Variants in MTMR3 observed in about 807,000 individuals in gnomAD.
MTMR3 encodes the protein myotubularin related protein 3.
MTMR3 carries 32 observed loss-of-function variants against 132.4 expected under a neutral mutation model. That is an observed-to-expected ratio of 0.24 (90% CI 0.18 to 0.32). The LOEUF is 0.32. Ranked by LOEUF, MTMR3 falls within the 10% of genes least tolerant of loss-of-function variation. The pLI is 1.00. For missense variants in MTMR3, 1,216 were observed against 1,489.6 expected (o/e 0.82, Z 3.02); for synonymous variants, 556 against 550.3 (o/e 1.01, Z -0.14).
intron 3 of MTMR3, among the ~76,000 whole-genome samples, chr22:29,975,531 G>A (rs896419379): frequency 6.6e-6 from 1 of 152,166 alleles, no homozygotes; most frequent in Non-Finnish European, 1.5e-5. Context: ...GTTAAAAAAA[G>A]GAAGAGTATT....
chr22:29,883,504 C>G (rs1363993235), intron 1 of MTMR3, 145 bp downstream of exon 1: 1 of 152,420 alleles, frequency 6.6e-6, no homozygotes, highest in African/African-American at 2.4e-5. Context: ...GCGTGCGGGG[C>G]CCGGGGAGGG....
At chr22:30,019,411 AC>A in intron 16 of MTMR3, 68 bp from the exon 17 acceptor site, 1 of 1,430,212 alleles carries the variant, frequency 7.0e-7, no homozygotes, top group Non-Finnish European at 9.5e-7. Flanking sequence ...GCTTGTTAAA[AC>A]CTATTGTCTC....
At chr22:30,023,361 A>G (rs887691849) in intron 19 of MTMR3, 2 of 1,229,330 alleles carry the variant, frequency 1.6e-6, no homozygotes, top group Middle Eastern at 1.9e-4. Context: ...TTGCCTAGTA[A>G]TGATGCTTCT....
chr22:29,971,063 G>T lies in MTMR3; in HGVS notation c.3+1G>T. 6.3e-7 allele frequency: 1 copy of T among 1,594,156 alleles called. No individual in the cohort carries two copies. ...CTCCTAATCTGGGCCTCTTGTCATG[G>T]TAAGTACAAGGAAATAAGAGTAAAA... is the stretch of plus-strand genomic sequence containing the variant. On this transcript the variant is annotated splice_donor_variant, in intron 3 of 19. Transcript: ENST00000401950. LOFTEE classifies it high-confidence loss of function.
At position 29,883,371 on chromosome 22, in the gene MTMR3, A is replaced by G. The variant is rs370869116; in HGVS notation, c.-138+12A>G. 1.3e-3 allele frequency: 205 copies of G among 157,580 alleles called. 5 individuals are homozygous for G. In the East Asian group the frequency reaches 0.033, roughly 25 times the overall value. 9.8% of individuals were successfully genotyped at this position (157,580 alleles called of 1,614,324 possible). A position where few individuals can be genotyped will look rare whatever the true frequency, so the allele number is the denominator to read the frequency against. ...TGTCCTGCTGCCCGGTAAGAACCCC[A>G]TCCCCGTCCTCCGTCTCCTCGGCGG... is the stretch of plus-strand genomic sequence containing the variant. On this transcript the variant is annotated intron_variant, in intron 1 of 19. Transcript: ENST00000401950.
At chr22:29,885,782 T>C (rs1445403408) in intron 1 of MTMR3, among the ~76,000 whole-genome samples, 1 of 152,206 alleles carries the variant, frequency 6.6e-6, no homozygotes, top group African/African-American at 2.4e-5. Context: ...AAAGTCAGTT[T>C]AAAAATCTGC....
intron 2 of MTMR3, among the ~76,000 whole-genome samples, chr22:29,961,664 T>TTAGTG (rs1161838271): frequency 1.3e-5 from 2 of 152,178 alleles, no homozygotes; most frequent in Non-Finnish European, 1.5e-5. Flanking sequence ...AAAAATAAAC[T>TTAGTG]TAGTGTAGCC....
chr22:29,971,143 A>G (rs2066526560), intron 3 of MTMR3, 81 bp downstream of exon 3: 3 of 1,408,144 alleles, frequency 2.1e-6, no homozygotes, highest in Non-Finnish European at 2.9e-6. Context: ...ATAAATTCAT[A>G]CTTACCCATT....
chr22:29,999,360 T>G (rs1054764482), intron 8 of MTMR3: 1 of 152,272 alleles, frequency 6.6e-6, no homozygotes, highest in African/African-American at 2.4e-5. Context: ...TTTTTCAGGT[T>G]TTGGAATATT....
At chr22:29,953,902 T>G (rs2066130625) in intron 1 of MTMR3, among the ~76,000 whole-genome samples, 1 of 152,132 alleles carries the variant, frequency 6.6e-6, no homozygotes, top group Non-Finnish European at 1.5e-5. Context: ...TTCTGCTACC[T>G]CTACTAATAC....
chr22:29,976,783 A>G (rs2066637571), intron 3 of MTMR3, among the ~76,000 whole-genome samples: 1 of 152,204 alleles, frequency 6.6e-6, no homozygotes, highest in African/African-American at 2.4e-5. Context: ...TTTGAGAATC[A>G]TGCTAGTGTA....
At chr22:29,971,771 A>G (rs1481473957) in intron 3 of MTMR3, among the ~76,000 whole-genome samples, 1 of 152,078 alleles carries the variant, frequency 6.6e-6, no homozygotes. Context: ...AGCAGAGAAG[A>G]TGGAGCAACA....
At chr22:29,943,680 T>G (rs1227090204) in intron 1 of MTMR3, among the ~76,000 whole-genome samples, 1 of 152,176 alleles carries the variant, frequency 6.6e-6, no homozygotes, top group African/African-American at 2.4e-5. Context: ...ACTTAAAGGA[T>G]TATTTTGCTA....
rs9625884 is a variant in MTMR3, at chr22:29,915,767, C to G, written c.-138+32408C>G. Among the ~76,000 whole-genome samples the G allele has an allele frequency of 2.4e-3, 364 of 152,234 alleles. 1 individual carries two copies. The highest frequency in any genetic ancestry group is 8.6e-3 in the African/African-American group (357 of 41,550). Reference sequence around the variant, plus strand: ...GTTGTTATTAAATGATGGGTTTACTCTGAGTTTGAGTATCCATATGGTTAG... The same window carrying G: ...GTTGTTATTAAATGATGGGTTTACTGTGAGTTTGAGTATCCATATGGTTAG... On this transcript the variant is annotated intron_variant, in intron 1 of 19. Coordinates refer to ENST00000401950, the MANE Select transcript of MTMR3 (RefSeq NM_021090.4).
intron 1 of MTMR3, among the ~76,000 whole-genome samples, chr22:29,901,848 A>G (rs765955286): frequency 1.3e-5 from 2 of 152,088 alleles, no homozygotes; most frequent in Non-Finnish European, 2.9e-5. Flanking sequence ...TATTTAACCT[A>G]ATGTATTTTG....
chr22:29,976,102 C>T (rs2066623971), intron 3 of MTMR3, among the ~76,000 whole-genome samples: 1 of 148,114 alleles, frequency 6.8e-6, no homozygotes, highest in Admixed American at 6.8e-5. Flanking sequence ...CAAAAGTTGA[C>T]ATTTTATTAT....
chr22:29,992,621 C>A (rs1325194002), intron 7 of MTMR3: 1 of 152,202 alleles, frequency 6.6e-6, no homozygotes, highest in Non-Finnish European at 1.5e-5. Context: ...TCTTAAATTT[C>A]TGTGCAGTGA....
At chr22:29,962,683 A>C (rs2145854465) in intron 2 of MTMR3, among the ~76,000 whole-genome samples, 2 of 152,082 alleles carry the variant, frequency 1.3e-5, no homozygotes, top group East Asian at 3.9e-4. Context: ...CTGTCTCCAA[A>C]ACAAAACAGA....
intron 2 of MTMR3, among the ~76,000 whole-genome samples, chr22:29,961,554 A>G (rs964474106): frequency 6.6e-6 from 1 of 152,202 alleles, no homozygotes; most frequent in African/African-American, 2.4e-5. Context: ...CAACAGACCC[A>G]AGATACGATG....
Sources: gnomAD v4.1 joint callset for allele counts (sites outside exome capture counted in the v4.1 genomes callset) on GRCh38, gnomAD v4.1.1 for gene constraint, MANE v1.5 for transcripts, NCBI Gene and HGNC (gene_info 2026-07-23, HGNC 2026-07-21) for gene names.